Variants in DNTT observed in about 807,000 individuals in gnomAD.
DNTT encodes the protein nucleosidetriphosphate:DNA deoxynucleotidylexotransferase.
A neutral mutation model predicts 60.9 loss-of-function variants in DNTT; 47 were observed. The ratio of observed to expected loss-of-function variants is 0.77; its 90% CI spans 0.61 to 0.98. DNTT has a LOEUF of 0.98. Ranked by LOEUF, DNTT falls within the 50% of genes least tolerant of loss-of-function variation. DNTT has a pLI of 0.00. For synonymous variants in DNTT, 224 were observed against 221.2 expected (o/e 1.01, Z -0.11); for missense variants, 665 against 627.5 (o/e 1.06, Z -0.64).
intron 9 of DNTT, among the ~76,000 whole-genome samples, chr10:96,333,374 G>A (rs1845030709): frequency 6.6e-6 from 1 of 152,164 alleles, no homozygotes. Flanking sequence ...TGGTGGTGTT[G>A]TAAATTACAC....
At position 96,338,182 on chromosome 10, in the gene DNTT, T is replaced by A. The variant is rs752015346; in HGVS notation, c.1488T>A (p.His496Gln). The A allele has an allele frequency of 6.2e-7, 1 of 1,613,504 alleles. No individual in the cohort carries two copies. The highest frequency in any genetic ancestry group is 1.1e-5 in the South Asian group (1 of 90,790). ...KAESEEEIFAHLGLDYIEPWE... is the reference protein window; with the variant it reads ...KAESEEEIFAQLGLDYIEPWE... ...AAAGTGAAGAAGAAATTTTTGCGCA[T>A]CTGGGATTGGATTATATTGAACCGT... Residue 496 changes from histidine to glutamine, a missense_variant, in exon 11 of 11, where the codon CAT becomes CAA. Coordinates refer to ENST00000371174, the MANE Select transcript of DNTT (RefSeq NM_004088.4).
chr10:96,332,306 T>G (rs1228287851), intron 8 of DNTT, 45 bp from the exon 9 acceptor site: 3 of 1,593,278 alleles, frequency 1.9e-6, no homozygotes, highest in Non-Finnish European at 2.6e-6. Context: ...ATCATAGATC[T>G]TCTTCATCAG....
In DNTT at chr10:96,304,455, C is replaced by T; in HGVS notation, c.-43C>T. On this transcript the variant is annotated 5_prime_UTR_variant, in exon 1 of 11. Transcript: ENST00000371174. ...TGGCAGTCTCCCTCCCTTCTGGAGA[C>T]ACCACCAGATGGGCCAGCCAGAGGC... 1 of 1,606,098 alleles carries T rather than the reference C, an allele frequency of 6.2e-7. No homozygotes were observed. The highest frequency in any genetic ancestry group is 8.5e-7 in the Non-Finnish European group (1 of 1,174,922).
chr10:96,334,983 C>CT (rs1234619448), intron 9 of DNTT, among the ~76,000 whole-genome samples: 4 of 152,286 alleles, frequency 2.6e-5, no homozygotes, highest in Non-Finnish European at 5.9e-5. Flanking sequence ...AGCTCTTTTG[C>CT]TTTTTAGCTG....
chr10:96,331,529 C>G (rs1011171943), intron 8 of DNTT, among the ~76,000 whole-genome samples: 2 of 152,022 alleles, frequency 1.3e-5, no homozygotes, highest in African/African-American at 4.8e-5. Flanking sequence ...TGGGGAGGGG[C>G]CAGGCTCTTT....
intron 10 of DNTT, among the ~76,000 whole-genome samples, chr10:96,336,599 A>G (rs994414398): frequency 6.6e-6 from 1 of 152,210 alleles, no homozygotes; most frequent in Non-Finnish European, 1.5e-5. Flanking sequence ...CTTCTTACAG[A>G]TATCAAGGAC....
chr10:96,319,167 C>A, intron 2 of DNTT, 95 bp from the exon 3 acceptor site: 1 of 1,392,462 alleles, frequency 7.2e-7, no homozygotes. Context: ...TAATTTTATC[C>A]TCCAACTACA....
In DNTT at chr10:96,332,361, T is replaced by C. The variant is rs1380972370; in HGVS notation, c.1124T>C (p.Leu375Ser). 22 of 1,613,612 alleles carry C rather than the reference T, an allele frequency of 1.4e-5. No individual in the cohort carries two copies. In the South Asian group the frequency reaches 2.2e-4, roughly 16 times the overall value. The change falls in exon 9 of 11, where the codon TTA becomes TCA. Residue 375 changes from leucine (L) to serine (S), a missense_variant. By Grantham distance (145) the Leu-to-Ser change is moderately radical (BLOSUM62 -2). Coordinates refer to ENST00000371174, the MANE Select transcript of DNTT (RefSeq NM_004088.4). ...MNLWEKKGLL[L>S]YYDLVESTFE... ...TCTGTTTCTTTTCAGGGATTACTTTTATATTATGACCTTGTGGAGTCAACA... is the reference window on the plus strand; with the variant it reads ...TCTGTTTCTTTTCAGGGATTACTTTCATATTATGACCTTGTGGAGTCAACA...
intron 8 of DNTT, among the ~76,000 whole-genome samples, chr10:96,330,290 T>A (rs1158676439): frequency 6.6e-6 from 1 of 151,106 alleles, no homozygotes; most frequent in Non-Finnish European, 1.5e-5. Context: ...AGTGACAGTT[T>A]ACTGTTAGGA....
chr10:96,313,452 T>C (rs1023803377), intron 1 of DNTT, among the ~76,000 whole-genome samples: 4 of 152,074 alleles, frequency 2.6e-5, no homozygotes, highest in African/African-American at 9.7e-5. Flanking sequence ...AAGAAAAACA[T>C]TTCAAACACA....
intron 1 of DNTT, among the ~76,000 whole-genome samples, chr10:96,305,838 T>C (rs920312021): frequency 3.3e-5 from 5 of 152,206 alleles, no homozygotes; most frequent in African/African-American, 1.2e-4. Context: ...TTTGCTAAAA[T>C]GCCCCATTCA....
intron 3 of DNTT, among the ~76,000 whole-genome samples, 187 bp downstream of exon 3, chr10:96,319,577 T>C (rs1194525721): frequency 3.3e-5 from 5 of 152,194 alleles, no homozygotes; most frequent in African/African-American, 1.2e-4. Flanking sequence ...TCTCCTTCCT[T>C]CCTGGAAATA....
intron 8 of DNTT, among the ~76,000 whole-genome samples, chr10:96,331,159 G>A (rs1316912359): frequency 6.6e-6 from 1 of 152,078 alleles, no homozygotes; most frequent in Non-Finnish European, 1.5e-5. Context: ...CAAGGCAGGT[G>A]GACTAACACT....
At chr10:96,310,175 GT>G (rs1844697886) in intron 1 of DNTT, among the ~76,000 whole-genome samples, 1 of 152,152 alleles carries the variant, frequency 6.6e-6, no homozygotes, top group Non-Finnish European at 1.5e-5. Context: ...GCACATCCCA[GT>G]TTTTTAAAAG....
At chr10:96,315,631 G>C (rs1844777251) in intron 1 of DNTT, among the ~76,000 whole-genome samples, 1 of 151,998 alleles carries the variant, frequency 6.6e-6, no homozygotes, top group South Asian at 2.1e-4. Flanking sequence ...GCAGTAGGGG[G>C]AGTGGTAAGA....
intron 1 of DNTT, among the ~76,000 whole-genome samples, chr10:96,314,316 G>A (rs1247889233): frequency 6.7e-6 from 1 of 148,186 alleles, no homozygotes; most frequent in Non-Finnish European, 1.5e-5. Flanking sequence ...AGACTTTGAT[G>A]AGAACAGCCA....
intron 8 of DNTT, among the ~76,000 whole-genome samples, chr10:96,330,417 T>C (rs1589376310): frequency 6.6e-6 from 1 of 152,116 alleles, no homozygotes; most frequent in East Asian, 1.9e-4. Flanking sequence ...ATTTACATAA[T>C]TGAAATTTAC....
In DNTT at chr10:96,338,405, A is replaced by G. The variant is rs1845098350; in HGVS notation, c.*181A>G. ...TGCCACTGGTAATGGGTAAGGTTCT[A>G]ATAGGCCATGTTTATGACTGTTGCA... On this transcript the variant is annotated 3_prime_UTR_variant, in exon 11 of 11. Transcript: ENST00000371174. The G allele has an allele frequency of 1.8e-6, 1 of 540,848 alleles. No individual in the cohort carries two copies. Among genetic ancestry groups the G allele is most frequent in the African/African-American group, 1.9e-5 (1 of 52,692 alleles). 33.5% of individuals were successfully genotyped at this position (540,848 alleles called of 1,614,324 possible). A position where few individuals can be genotyped will look rare whatever the true frequency, so the allele number is the denominator to read the frequency against.
intron 5 of DNTT, among the ~76,000 whole-genome samples, chr10:96,323,574 T>TA (rs1844904971): frequency 6.6e-6 from 1 of 151,886 alleles, no homozygotes. Context: ...ATGAGGACCA[T>TA]GGGGGGGTTG....
Sources: allele counts gnomAD v4.1 joint callset (sites outside exome capture counted in the v4.1 genomes callset), GRCh38; gene constraint gnomAD v4.1.1; transcripts MANE v1.5; gene names NCBI Gene and HGNC (gene_info 2026-07-23, HGNC 2026-07-21).